Variants in SLC4A10 observed in about 807,000 individuals in gnomAD.
SLC4A10 encodes solute carrier family 4 member 10.
SLC4A10 carries 42 observed loss-of-function variants against 137.7 expected under a neutral mutation model. That is an observed-to-expected ratio of 0.30 (90% confidence interval 0.24 to 0.39). The LOEUF is 0.39. Ranked by LOEUF, SLC4A10 falls within the 10% of genes least tolerant of loss-of-function variation. The pLI, the probability that SLC4A10 is intolerant of heterozygous loss-of-function variation, is 1.00. For missense variants in SLC4A10, 925 were observed against 1,355.0 expected, an observed-to-expected ratio of 0.68 and a Z score of 4.98; for synonymous variants, 474 against 464.1, an observed-to-expected ratio of 1.02 and a Z score of -0.27.
At chr2:161,685,396 A>C (rs1478521581) in intron 1 of SLC4A10, among the ~76,000 whole-genome samples, 1 of 152,132 alleles carries the variant, frequency 6.6e-6, no homozygotes, top group Non-Finnish European at 1.5e-5. Context: ...ATTAGAGGCC[A>C]GAAGTTGGAG....
chr2:161,876,900 A>G (rs2061481474), intron 8 of SLC4A10, among the ~76,000 whole-genome samples: 1 of 152,048 alleles, frequency 6.6e-6, no homozygotes, highest in Admixed American at 6.6e-5. Flanking sequence ...GTATAATACA[A>G]TGGCTACCCC....
At chr2:161,646,985 A>G (rs1480465143) in intron 1 of SLC4A10, among the ~76,000 whole-genome samples, 1 of 152,056 alleles carries the variant, frequency 6.6e-6, no homozygotes, top group African/African-American at 2.4e-5. Flanking sequence ...CAGTTCTAAA[A>G]TAGGTACTAT....
At chr2:161,815,308 C>T (rs1184332885) in intron 3 of SLC4A10, among the ~76,000 whole-genome samples, 1 of 151,988 alleles carries the variant, frequency 6.6e-6, no homozygotes, top group Non-Finnish European at 1.5e-5. Flanking sequence ...ATGCTGTTCT[C>T]GTGATGGTGA....
At chr2:161,806,156 A>G (rs944606607) in intron 3 of SLC4A10, among the ~76,000 whole-genome samples, 2 of 152,126 alleles carry the variant, frequency 1.3e-5, no homozygotes, top group African/African-American at 4.8e-5. Flanking sequence ...CCTTTCAGCT[A>G]TGGCTGGAGC....
At chr2:161,953,811 C>T (rs1045256236) in intron 19 of SLC4A10, among the ~76,000 whole-genome samples, 8 of 152,094 alleles carry the variant, frequency 5.3e-5, no homozygotes, top group Non-Finnish European at 1.0e-4. Context: ...TGTGAAGTAT[C>T]ATGTATATTA....
At chr2:161,633,804 C>T (rs1340574941) in intron 1 of SLC4A10, among the ~76,000 whole-genome samples, 2 of 151,612 alleles carry the variant, frequency 1.3e-5, no homozygotes, top group Admixed American at 6.6e-5. Context: ...TAATACAGTA[C>T]AATCCTTTTC....
intron 1 of SLC4A10, among the ~76,000 whole-genome samples, chr2:161,646,621 A>G (rs953115928): frequency 2.6e-5 from 4 of 152,012 alleles, no homozygotes; most frequent in Non-Finnish European, 4.4e-5. Flanking sequence ...TGAAAGTTCT[A>G]TGTGTGAATC....
At chr2:161,799,113 A>G (rs954550092) in intron 2 of SLC4A10, among the ~76,000 whole-genome samples, 5 of 151,604 alleles carry the variant, frequency 3.3e-5, no homozygotes, top group South Asian at 2.1e-4. Context: ...TTGTATTTTT[A>G]TTAAATTTTG....
rs184082874 is a variant in SLC4A10, at chr2:161,655,921, C to A, written c.48+31355C>A. ...CTCTGTCTCCCTGGTTCAAGCAATT[C>A]TCCTCCCCCAGCCTCCTGAGTAGAT... On this transcript the variant is annotated intron_variant, in intron 1 of 26. Transcript: ENST00000446997. Among the ~76,000 whole-genome samples the A allele has an allele frequency of 1.4e-4, 21 of 150,912 alleles. 1 individual carries two copies. The highest frequency in any genetic ancestry group is 1.3e-3 in the Admixed American group (20 of 15,156).
chr2:161,867,322 A>G (rs369449419), intron 6 of SLC4A10, among the ~76,000 whole-genome samples: 20 of 152,048 alleles, frequency 1.3e-4, no homozygotes, highest in African/African-American at 4.6e-4. Flanking sequence ...TTTTAATACA[A>G]TGGTCTCATA....
At chr2:161,833,045 G>A (rs971895417) in intron 3 of SLC4A10, among the ~76,000 whole-genome samples, 48 of 152,192 alleles carry the variant, frequency 3.2e-4, no homozygotes, top group Admixed American at 2.8e-3. Flanking sequence ...GCGCCCGGCC[G>A]CATTTTCTTT....
intron 2 of SLC4A10, among the ~76,000 whole-genome samples, chr2:161,780,377 G>A (rs931199668): frequency 6.6e-6 from 1 of 151,834 alleles, no homozygotes; most frequent in African/African-American, 2.4e-5. Context: ...AAACAAAAAG[G>A]ACAGTGAGAC....
At chr2:161,833,620 T>C (rs1056157304) in intron 3 of SLC4A10, among the ~76,000 whole-genome samples, 2 of 152,226 alleles carry the variant, frequency 1.3e-5, no homozygotes, top group Admixed American at 1.3e-4. Context: ...TCTGAGGATG[T>C]TGTTGCTGTT....
chr2:161,954,815 C>T (rs1241980012), intron 19 of SLC4A10, among the ~76,000 whole-genome samples: 1 of 152,062 alleles, frequency 6.6e-6, no homozygotes, highest in Non-Finnish European at 1.5e-5. Context: ...ATTATTTTGC[C>T]TACTTCCTGC....
chr2:161,798,484 C>T (rs542738003), intron 2 of SLC4A10, among the ~76,000 whole-genome samples: 2 of 151,932 alleles, frequency 1.3e-5, no homozygotes, highest in South Asian at 4.2e-4. Flanking sequence ...ATTCAGTATA[C>T]TGTGACCATA....
intron 3 of SLC4A10, among the ~76,000 whole-genome samples, chr2:161,839,243 C>A (rs932034078): frequency 2.6e-5 from 4 of 152,222 alleles, no homozygotes; most frequent in Non-Finnish European, 5.9e-5. Context: ...TTTCCACTTA[C>A]ATGACATTTT....
At chr2:161,890,595 G>A (rs900766776) in intron 10 of SLC4A10, among the ~76,000 whole-genome samples, 5 of 152,032 alleles carry the variant, frequency 3.3e-5, no homozygotes, top group African/African-American at 1.2e-4. Context: ...TGTTTTATTG[G>A]AGACTAGGAT....
chr2:161,925,127 T>C (rs1343096430), intron 15 of SLC4A10, among the ~76,000 whole-genome samples: 3 of 152,176 alleles, frequency 2.0e-5, no homozygotes, highest in Non-Finnish European at 2.9e-5. Flanking sequence ...CCAAGTCACA[T>C]ATTGAGGCAG....
intron 1 of SLC4A10, among the ~76,000 whole-genome samples, chr2:161,740,121 C>G (rs996063598): frequency 1.3e-5 from 2 of 152,158 alleles, no homozygotes; most frequent in Non-Finnish European, 2.9e-5. Context: ...TGCAGTTCAG[C>G]CCACTGAGCT....
Sources: gnomAD v4.1 joint callset for allele counts (sites outside exome capture counted in the v4.1 genomes callset) on GRCh38, gnomAD v4.1.1 for gene constraint, MANE v1.5 for transcripts, NCBI Gene and HGNC (gene_info 2026-07-23, HGNC 2026-07-21) for gene names.